Variants in SIPA1L1 observed in about 807,000 individuals in gnomAD.
The protein encoded by SIPA1L1 is signal induced proliferation associated 1 like 1.
Under a neutral mutation model 162.7 loss-of-function variants are expected in SIPA1L1, and 26 were observed. That is an observed-to-expected ratio of 0.16 (90% CI 0.12 to 0.22). The LOEUF is 0.22. Among genes scored for constraint, SIPA1L1 ranks in the 10% least tolerant of loss-of-function variants. The pLI, the probability that SIPA1L1 is intolerant of heterozygous loss-of-function variation, is 1.00. For missense variants in SIPA1L1, 1,874 were observed against 2,241.0 expected (o/e 0.84, Z 3.31); for synonymous variants, 829 against 837.4 (o/e 0.99, Z 0.17).
intron 3 of SIPA1L1, among the ~76,000 whole-genome samples, chr14:71,516,014 A>C (rs907727144): frequency 2.0e-5 from 3 of 152,214 alleles, no homozygotes; most frequent in Admixed American, 1.3e-4. Flanking sequence ...TTACTTTATG[A>C]TGTTTTCAAA....
At chr14:71,532,306 A>T (rs1042490946) in intron 4 of SIPA1L1, among the ~76,000 whole-genome samples, 1 of 152,204 alleles carries the variant, frequency 6.6e-6, no homozygotes, top group Non-Finnish European at 1.5e-5. Context: ...CAATTCGGTG[A>T]ACTGATATTA....
chr14:71,530,773 C>G (rs2053366429), intron 4 of SIPA1L1, among the ~76,000 whole-genome samples: 1 of 152,092 alleles, frequency 6.6e-6, no homozygotes, highest in Non-Finnish European at 1.5e-5. Context: ...TTATTATTCC[C>G]ATGCATTTGT....
chr14:71,434,947 G>A (rs745742236), intron 2 of SIPA1L1, among the ~76,000 whole-genome samples: 1 of 152,126 alleles, frequency 6.6e-6, no homozygotes, highest in Non-Finnish European at 1.5e-5. Flanking sequence ...CTTTCATTGT[G>A]TTTTATTCCA....
intron 2 of SIPA1L1, among the ~76,000 whole-genome samples, chr14:71,364,515 G>A (rs1315669548): frequency 6.6e-6 from 1 of 152,098 alleles, no homozygotes; most frequent in Admixed American, 6.5e-5. Flanking sequence ...GTTGTGTTGT[G>A]TGTGTCACTA....
intron 12 of SIPA1L1, among the ~76,000 whole-genome samples, chr14:71,680,997 C>T (rs2045749169): frequency 6.6e-6 from 1 of 152,142 alleles, no homozygotes. Context: ...CCCTTCCCTG[C>T]TTCATATCAT....
intron 15 of SIPA1L1, chr14:71,704,691 G>A: frequency 6.4e-7 from 1 of 1,560,048 alleles, no homozygotes; most frequent in Middle Eastern, 1.7e-4. Context: ...AAGTAAACTA[G>A]TTGCTGTGTG....
intron 5 of SIPA1L1, among the ~76,000 whole-genome samples, chr14:71,602,865 C>G (rs1293448682): frequency 1.3e-5 from 2 of 152,202 alleles, no homozygotes; most frequent in Admixed American, 1.3e-4. Context: ...TTGTGCCCTC[C>G]TTATTAGAAT....
At chr14:71,338,226 T>G (rs1474944266) in intron 2 of SIPA1L1, among the ~76,000 whole-genome samples, 1 of 152,218 alleles carries the variant, frequency 6.6e-6, no homozygotes, top group Non-Finnish European at 1.5e-5. Flanking sequence ...CACTTAATGA[T>G]TAATGCATAG....
chr14:71,661,676 G>A lies in SIPA1L1; in HGVS notation c.2255+209G>A, dbSNP rs1464102649. Among the ~76,000 whole-genome samples the A allele has an allele frequency of 4.6e-5, 7 of 152,280 alleles. No individual in the cohort carries two copies. The East Asian group carries it at 5.8e-4, about 13-fold the overall frequency. Reference sequence around the variant, plus strand: ...CAAGCATGTTGGTTAGACACCTGCCGTTTCCATTTGCACCTCCTTCTTAGG... The same window carrying A: ...CAAGCATGTTGGTTAGACACCTGCCATTTCCATTTGCACCTCCTTCTTAGG... On this transcript the variant is annotated intron_variant, in intron 10 of 23. Coordinates refer to ENST00000381232, the MANE Select transcript of SIPA1L1 (RefSeq NM_001386936.1).
intron 12 of SIPA1L1, among the ~76,000 whole-genome samples, chr14:71,674,382 A>G (rs2044853800): frequency 6.6e-6 from 1 of 152,146 alleles, no homozygotes; most frequent in African/African-American, 2.4e-5. Flanking sequence ...TGGAGCCATG[A>G]TAGGAGGAAT....
At chr14:71,518,861 GGGGAGGCCTCAGAATCATGAC>G (rs2052007400) in intron 3 of SIPA1L1, among the ~76,000 whole-genome samples, 1 of 152,118 alleles carries the variant, frequency 6.6e-6, no homozygotes, top group Admixed American at 6.6e-5. Context: ...CTACATGGCT[GGGGAGGCCTCAGAATCATGAC>G]GGGAGGCAAA....
intron 2 of SIPA1L1, among the ~76,000 whole-genome samples, chr14:71,510,294 C>T (rs1431794080): frequency 7.0e-6 from 1 of 142,554 alleles, no homozygotes; most frequent in African/African-American, 2.6e-5. Context: ...TCAAACAATT[C>T]TCCTGCTTCA....
intron 19 of SIPA1L1, among the ~76,000 whole-genome samples, chr14:71,727,198 G>A (rs2084322365): frequency 6.6e-6 from 1 of 152,102 alleles, no homozygotes; most frequent in African/African-American, 2.4e-5. Context: ...AGACAGTAGT[G>A]CCAGTGCTCT....
intron 2 of SIPA1L1, among the ~76,000 whole-genome samples, chr14:71,360,805 C>G (rs77942366): frequency 0.018 from 2,673 of 152,228 alleles, 30 homozygotes; most frequent in African/African-American, 0.026. Flanking sequence ...GGAAATGTAT[C>G]TACTTGATCT....
chr14:71,733,579 A>G (rs1597296554), intron 20 of SIPA1L1, 87 bp from the exon 21 acceptor site: 2 of 1,342,174 alleles, frequency 1.5e-6, no homozygotes, highest in Non-Finnish European at 2.1e-6. Flanking sequence ...ATGGCTTACA[A>G]TCTATTGTGG....
chr14:71,401,299 A>G (rs2041653196), intron 2 of SIPA1L1, among the ~76,000 whole-genome samples: 1 of 152,116 alleles, frequency 6.6e-6, no homozygotes, highest in Non-Finnish European at 1.5e-5. Flanking sequence ...TAGTTTTAGT[A>G]CTTTTCCTTG....
chr14:71,440,753 G>A (rs959782520), intron 2 of SIPA1L1, among the ~76,000 whole-genome samples: 1 of 151,748 alleles, frequency 6.6e-6, no homozygotes, highest in Non-Finnish European at 1.5e-5. Context: ...CTGGAGTGGT[G>A]TATATGGGGA....
rs949785317 is a variant in SIPA1L1 at position 71,723,881 on chromosome 14, G to T, written c.4443G>T (p.Thr1481=). 1 of 1,614,066 alleles carries T rather than the reference G, an allele frequency of 6.2e-7. No individual in the cohort carries two copies. The highest frequency in any genetic ancestry group is 1.3e-5 in the African/African-American group (1 of 75,020). The change falls in exon 18 of 24, where the codon ACG becomes ACT. Residue 1481 remains threonine, a synonymous_variant. Coordinates refer to ENST00000381232, the MANE Select transcript of SIPA1L1 (RefSeq NM_001386936.1). Reference sequence around the variant, plus strand: ...TAAACTCCGTGGGATTTATGGACACGAGAAAGTAAGAGTTACTTTCCTTCC... The same window carrying T: ...TAAACTCCGTGGGATTTATGGACACTAGAAAGTAAGAGTTACTTTCCTTCC... The part of the protein sequence containing the change: ...GTINSVGFMD[T]RKRHQSDGNE...
At chr14:71,696,422 C>T (rs1201699408) in intron 13 of SIPA1L1, among the ~76,000 whole-genome samples, 1 of 152,210 alleles carries the variant, frequency 6.6e-6, no homozygotes, top group Non-Finnish European at 1.5e-5. Flanking sequence ...AATTCTATCA[C>T]CTGTAACTCC....
Sources: gnomAD v4.1 joint callset for allele counts (sites outside exome capture counted in the v4.1 genomes callset) on GRCh38, gnomAD v4.1.1 for gene constraint, MANE v1.5 for transcripts, NCBI Gene and HGNC (gene_info 2026-07-23, HGNC 2026-07-21) for gene names.